The following PRDM2 variants were observed in gnomAD, a reference collection of about 807,000 sequenced individuals.
The protein encoded by PRDM2 is PR/SET domain 2.
PRDM2 carries 30 observed loss-of-function variants against 130.0 expected under a neutral mutation model. That is an observed-to-expected ratio of 0.23 (90% CI 0.17 to 0.31). The LOEUF is 0.31. Among genes scored for constraint, PRDM2 ranks in the 10% least tolerant of loss-of-function variants. The pLI is 1.00. For synonymous variants in PRDM2, 871 were observed against 782.4 expected (o/e 1.11, Z -1.89); for missense variants, 2,011 against 2,108.4 (o/e 0.95, Z 0.90).
intron 8 of PRDM2, among the ~76,000 whole-genome samples, chr1:13,811,080 A>T (rs2473234): frequency 4.0e-5 from 6 of 151,744 alleles, no homozygotes; most frequent in Admixed American, 2.0e-4. Context: ...GGTACTCAGG[A>T]GGCTGAGGCG....
intron 5 of PRDM2, among the ~76,000 whole-genome samples, chr1:13,744,740 C>A (rs965433511): frequency 1.3e-5 from 2 of 151,990 alleles, no homozygotes; most frequent in Non-Finnish European, 2.9e-5. Flanking sequence ...TACCTTTGTC[C>A]GAAATAACAT....
chr1:13,755,647 G>GT lies in PRDM2; in HGVS notation c.511+6169dup, dbSNP rs539986449. On this transcript the variant is annotated intron_variant, in intron 6 of 9. Coordinates refer to ENST00000311066, the MANE Select transcript of PRDM2 (RefSeq NM_001393986.1). ...TTTTTCTAAATGATGAATTTTTATT[G>GT]TTTTTTTTTAAACTCGTTCAGTGTT... Among the ~76,000 whole-genome samples the GT allele has an allele frequency of 1.4e-3, 210 of 148,718 alleles. 4 individuals are homozygous for GT. In the South Asian group the frequency reaches 0.037, roughly 26 times the overall value.
chr1:13,737,897 G>A (rs1643319719), intron 4 of PRDM2, among the ~76,000 whole-genome samples: 1 of 152,052 alleles, frequency 6.6e-6, no homozygotes, highest in African/African-American at 2.4e-5. Flanking sequence ...AATGTTTGTG[G>A]TGTTATAAAC....
chr1:13,800,389 T>TA (rs1644988180), intron 8 of PRDM2, among the ~76,000 whole-genome samples: 1 of 152,168 alleles, frequency 6.6e-6, no homozygotes, highest in Non-Finnish European at 1.5e-5. Context: ...CATCCCGCCT[T>TA]ACAAAGAAGA....
chr1:13,730,877 T>C, intron 2 of PRDM2, 123 bp from the exon 3 acceptor site: 1 of 678,552 alleles, frequency 1.5e-6, no homozygotes. Flanking sequence ...TTTTGGTCTG[T>C]CTTGCCAGCT....
intron 8 of PRDM2, among the ~76,000 whole-genome samples, chr1:13,805,659 G>GAC (rs979684392): frequency 3.0e-4 from 45 of 152,330 alleles, no homozygotes; most frequent in African/African-American, 1.1e-3. Flanking sequence ...CAGAATATCA[G>GAC]ACACTGACTT....
intron 1 of PRDM2, among the ~76,000 whole-genome samples, chr1:13,711,250 A>G (rs1642362583): frequency 6.6e-6 from 1 of 152,222 alleles, no homozygotes; most frequent in South Asian, 2.1e-4. Context: ...GTGTGTAAAG[A>G]CAGGACTGTT....
chr1:13,732,111 T>A (rs1477040299), intron 3 of PRDM2, among the ~76,000 whole-genome samples: 3 of 152,120 alleles, frequency 2.0e-5, no homozygotes, highest in Admixed American at 2.0e-4. Flanking sequence ...TCCTGCCATT[T>A]TACTGTCTGC....
chr1:13,739,981 T>C (rs1185975775), intron 4 of PRDM2, among the ~76,000 whole-genome samples: 1 of 152,248 alleles, frequency 6.6e-6, no homozygotes, highest in Non-Finnish European at 1.5e-5. Flanking sequence ...CTACGTGTAT[T>C]CGTTTGTGAA....
At chr1:13,769,075 T>C in intron 6 of PRDM2, 1 of 933,842 alleles carries the variant, frequency 1.1e-6, no homozygotes, top group Non-Finnish European at 1.3e-6. Context: ...TGTCATCATT[T>C]CCATTTCACT....
Position 13,803,145 on chromosome 1 carries a change from T to C in PRDM2, c.5037-13282T>C, listed in dbSNP as rs547301626. ...GGCTGTAGGGTTAGGTTCACAGAAC[T>C]GTCGTAAAAATGGGGACCTTGTCCC... On this transcript the variant is annotated intron_variant, in intron 8 of 9. Transcript: ENST00000311066. The surrounding 1 kb of genome is among the most constrained non-coding windows in gnomAD (Gnocchi z 6.2). Among the ~76,000 whole-genome samples, 1 of 152,276 alleles carries C rather than the reference T, an allele frequency of 6.6e-6. No homozygotes were observed. The highest frequency in any genetic ancestry group is 2.1e-4 in the South Asian group (1 of 4,826).
chr1:13,788,062 T>TA (rs1478668853), intron 8 of PRDM2: 3 of 979,282 alleles, frequency 3.1e-6, no homozygotes, highest in African/African-American at 3.5e-5. Context: ...TTGTAACCAA[T>TA]AAAAAACTTT....
intron 2 of PRDM2, among the ~76,000 whole-genome samples, chr1:13,729,488 C>G (rs577870959): frequency 6.6e-6 from 1 of 152,284 alleles, no homozygotes; most frequent in East Asian, 1.9e-4. Context: ...CCAATGCCAA[C>G]TACCAGTGTA....
intron 8 of PRDM2, among the ~76,000 whole-genome samples, chr1:13,815,886 A>C (rs980490403): frequency 5.3e-5 from 8 of 152,144 alleles, no homozygotes; most frequent in African/African-American, 1.9e-4. Context: ...ATAGATGTGG[A>C]GTGTGGGGTT....
At chr1:13,811,457 C>G (rs1041562287) in intron 8 of PRDM2, among the ~76,000 whole-genome samples, 1 of 152,204 alleles carries the variant, frequency 6.6e-6, no homozygotes, top group Non-Finnish European at 1.5e-5. Flanking sequence ...GTCCTTGTGC[C>G]AGAGACTCTG....
intron 8 of PRDM2, chr1:13,786,729 G>A: frequency 7.0e-7 from 1 of 1,422,716 alleles, no homozygotes. Context: ...CAACGCGCAT[G>A]CTGGGCGCCC....
chr1:13,800,826 T>C (rs1644995502), intron 8 of PRDM2, among the ~76,000 whole-genome samples: 1 of 152,168 alleles, frequency 6.6e-6, no homozygotes, highest in South Asian at 2.1e-4. Flanking sequence ...TAAGAGCCTC[T>C]CTGGATTGAA....
At chr1:13,710,512 C>T (rs1210132694) in intron 1 of PRDM2, among the ~76,000 whole-genome samples, 2 of 152,158 alleles carry the variant, frequency 1.3e-5, no homozygotes, top group Non-Finnish European at 2.9e-5. Flanking sequence ...AGTGCATATA[C>T]TCATGTTATT....
chr1:13,798,648 A>G (rs767015866), intron 8 of PRDM2, among the ~76,000 whole-genome samples: 1 of 152,138 alleles, frequency 6.6e-6, no homozygotes, highest in African/African-American at 2.4e-5. Flanking sequence ...CTATTCAACT[A>G]TTCCTTCAGA....
Sources: allele counts gnomAD v4.1 joint callset (sites outside exome capture counted in the v4.1 genomes callset), GRCh38; gene constraint gnomAD v4.1.1; non-coding constraint Gnocchi (gnomAD v3.1); transcripts MANE v1.5; gene names NCBI Gene and HGNC (gene_info 2026-07-23, HGNC 2026-07-21).